Variants in LHFPL3 observed in about 807,000 individuals in gnomAD.
LHFPL3 encodes LHFPL tetraspan subfamily member 3 protein.
In LHFPL3, 5 loss-of-function variants were observed where a neutral mutation model predicts 19.3. That is an observed-to-expected ratio of 0.26 (90% CI 0.14 to 0.54). The LOEUF (loss-of-function observed/expected upper bound fraction) is 0.54, where lower values mean the gene tolerates loss of function less well. LHFPL3 is among the 20% of genes least tolerant of loss of function. The pLI, the probability that LHFPL3 is intolerant of heterozygous loss-of-function variation, is 0.94. For synonymous variants in LHFPL3, 133 were observed against 126.2 expected, an observed-to-expected ratio of 1.05 and a Z score of -0.36; for missense variants, 249 against 307.4, an observed-to-expected ratio of 0.81 and a Z score of 1.42.
intron 1 of LHFPL3, among the ~76,000 whole-genome samples, chr7:104,432,455 C>G (rs568862574): frequency 6.6e-6 from 1 of 152,258 alleles, no homozygotes; most frequent in Admixed American, 6.5e-5. Flanking sequence ...AAGATTCTTC[C>G]TCTTCGGGCC....
rs373895396 is a variant in LHFPL3, at chr7:104,776,009, C to G, written c.682+39098C>G. ...GGAAAGAAGCTAATTCCAAACATATCCTATCTTTGTACTTTCTAGTTTGGG... is the reference window on the plus strand; with the variant it reads ...GGAAAGAAGCTAATTCCAAACATATGCTATCTTTGTACTTTCTAGTTTGGG... On this transcript the variant is annotated intron_variant, in intron 2 of 2. Coordinates refer to ENST00000424859, the MANE Select transcript of LHFPL3 (RefSeq NM_199000.3). Among the ~76,000 whole-genome samples, 12 of 152,266 alleles carry G rather than the reference C, an allele frequency of 7.9e-5. No individual in the cohort carries two copies. The South Asian group carries it at 8.3e-4, about 11-fold the overall frequency.
intron 1 of LHFPL3, among the ~76,000 whole-genome samples, chr7:104,417,814 C>T (rs1221642114): frequency 2.0e-5 from 3 of 151,726 alleles, no homozygotes; most frequent in Non-Finnish European, 4.4e-5. Flanking sequence ...TGCTCAATGT[C>T]AGTAAAGGTT....
chr7:104,421,271 C>A (rs1171127364), intron 1 of LHFPL3, among the ~76,000 whole-genome samples: 1 of 152,092 alleles, frequency 6.6e-6, no homozygotes, highest in Non-Finnish European at 1.5e-5. Flanking sequence ...GATAGCTCTG[C>A]TCCTGTAGGA....
chr7:104,495,333 A>G (rs926956661), intron 1 of LHFPL3, among the ~76,000 whole-genome samples: 1 of 152,168 alleles, frequency 6.6e-6, no homozygotes, highest in Non-Finnish European at 1.5e-5. Context: ...TTAGCCTCCC[A>G]AGTAGCTAGG....
intron 2 of LHFPL3, chr7:104,894,726 CCTCT>C (rs1414564861): frequency 4.6e-5 from 7 of 152,188 alleles, no homozygotes; most frequent in East Asian, 1.9e-4. Context: ...TATTTCATCT[CCTCT>C]CTCTGTCTCC....
chr7:104,485,868 T>C (rs2115674267), intron 1 of LHFPL3, among the ~76,000 whole-genome samples: 1 of 152,276 alleles, frequency 6.6e-6, no homozygotes, highest in South Asian at 2.1e-4. Context: ...AGTGAGAACA[T>C]GAGGTGTTTG....
intron 1 of LHFPL3, among the ~76,000 whole-genome samples, chr7:104,526,743 G>A (rs558235314): frequency 1.3e-5 from 2 of 152,308 alleles, no homozygotes; most frequent in South Asian, 2.1e-4. Context: ...AATGAGTTTG[G>A]CTCTGTGAAT....
intron 1 of LHFPL3, among the ~76,000 whole-genome samples, chr7:104,495,703 C>T (rs1793460813): frequency 6.6e-6 from 1 of 152,036 alleles, no homozygotes; most frequent in South Asian, 2.1e-4. Context: ...TTTGTAGAGA[C>T]TGGTGGCGGG....
At chr7:104,686,253 A>C (rs1792803198) in intron 1 of LHFPL3, among the ~76,000 whole-genome samples, 1 of 152,202 alleles carries the variant, frequency 6.6e-6, no homozygotes, top group Non-Finnish European at 1.5e-5. Flanking sequence ...GAAACAGCTG[A>C]GTATCTAGCA....
chr7:104,693,790 T>TG (rs201042172), intron 1 of LHFPL3, among the ~76,000 whole-genome samples: 5 of 89,734 alleles, frequency 5.6e-5, no homozygotes, highest in African/African-American at 2.1e-4. Flanking sequence ...CTGCTAATTG[T>TG]GGGGTTTTTT....
At chr7:104,339,248 C>CAA (rs11384778) in intron 1 of LHFPL3, among the ~76,000 whole-genome samples, 6 of 146,296 alleles carry the variant, frequency 4.1e-5, no homozygotes, top group East Asian at 2.0e-4. Context: ...AACTCCGTCT[C>CAA]AAAAAAAAAA....
chr7:104,749,678 T>C (rs1324803090), intron 2 of LHFPL3, among the ~76,000 whole-genome samples: 27 of 151,282 alleles, frequency 1.8e-4, no homozygotes, highest in African/African-American at 5.6e-4. Flanking sequence ...GCCTGATTTC[T>C]TCTGAATTAC....
chr7:104,730,351 A>C (rs1286534636), intron 1 of LHFPL3, among the ~76,000 whole-genome samples: 1 of 152,242 alleles, frequency 6.6e-6, no homozygotes, highest in Non-Finnish European at 1.5e-5. Flanking sequence ...ACTAGTTTAC[A>C]GTCCCACCAA....
chr7:104,480,839 C>T (rs915567869), intron 1 of LHFPL3, among the ~76,000 whole-genome samples: 12 of 152,092 alleles, frequency 7.9e-5, no homozygotes, highest in Non-Finnish European at 1.5e-4. Flanking sequence ...AGTAGGTATT[C>T]GCTGCTGACC....
chr7:104,454,722 G>C (rs907905427), intron 1 of LHFPL3, among the ~76,000 whole-genome samples: 1 of 152,102 alleles, frequency 6.6e-6, no homozygotes, highest in Admixed American at 6.6e-5. Flanking sequence ...CATAGAATGA[G>C]CTCCATTGTT....
intron 1 of LHFPL3, among the ~76,000 whole-genome samples, chr7:104,632,727 G>C (rs566252153): frequency 6.6e-6 from 1 of 152,194 alleles, no homozygotes; most frequent in Admixed American, 6.5e-5. Flanking sequence ...AAGATTTGCA[G>C]CTTCAACTTC....
At chr7:104,665,608 A>G (rs1562961211) in intron 1 of LHFPL3, among the ~76,000 whole-genome samples, 1 of 152,236 alleles carries the variant, frequency 6.6e-6, no homozygotes, top group Non-Finnish European at 1.5e-5. Context: ...CTATGATTAT[A>G]GATGTTATAG....
intron 2 of LHFPL3, chr7:104,803,379 C>T (rs1790294431): frequency 1.3e-5 from 2 of 152,326 alleles, no homozygotes; most frequent in South Asian, 4.1e-4. Flanking sequence ...GTTCCAAGGC[C>T]ATAACCATAT....
chr7:104,583,926 A>C (rs2115581425), intron 1 of LHFPL3, among the ~76,000 whole-genome samples: 1 of 152,038 alleles, frequency 6.6e-6, no homozygotes, highest in Non-Finnish European at 1.5e-5. Context: ...TAGAACTAGA[A>C]ATACCATTTG....
Sources: gnomAD v4.1 joint callset for allele counts (sites outside exome capture counted in the v4.1 genomes callset) on GRCh38, gnomAD v4.1.1 for gene constraint, MANE v1.5 for transcripts, NCBI Gene and HGNC (gene_info 2026-07-23, HGNC 2026-07-21) for gene names.